RRN3: variants seen among roughly 807,000 people sequenced by gnomAD.
RRN3 encodes the protein RNA polymerase I-specific transcription initiation factor RRN3.
RRN3 carries 38 observed loss-of-function variants against 82.3 expected under a neutral mutation model. The observed-to-expected ratio is 0.46, with a 90% CI of 0.36 to 0.61. The LOEUF (loss-of-function observed/expected upper bound fraction) is 0.61. Ranked by LOEUF, RRN3 falls within the 20% of genes least tolerant of loss-of-function variation. The probability of loss-of-function intolerance (pLI) is 0.00; values close to 1 mark genes in which losing one functional copy is unlikely to be tolerated. For missense variants in RRN3, 726 were observed against 793.1 expected (o/e 0.92, Z 1.02); for synonymous variants, 284 against 284.3 (o/e 1.00, Z 0.01).
At chr16:15,075,857 C>T (rs1450505138) in intron 10 of RRN3, among the ~76,000 whole-genome samples, 3 of 152,132 alleles carry the variant, frequency 2.0e-5, no homozygotes, top group Admixed American at 6.5e-5. Context: ...TGAGTACTGG[C>T]GGCCAATAGC....
chr16:15,076,735 C>A, intron 9 of RRN3, 85 bp from the exon 10 acceptor site: 3 of 942,508 alleles, frequency 3.2e-6, no homozygotes, highest in South Asian at 1.4e-5. Context: ...ATCTGATATA[C>A]GCATGTTCAA....
In RRN3 at chr16:15,091,209, C is replaced by T. The variant is rs1427767670; in HGVS notation, c.252+106G>A. Reference sequence around the variant, plus strand: ...ACCACCAGATTAAAATAAGGGAGGACCATGGAGAGAGCAAGTTCTGGAGGA... The same window carrying T: ...ACCACCAGATTAAAATAAGGGAGGATCATGGAGAGAGCAAGTTCTGGAGGA... On this transcript the variant is annotated intron_variant, in intron 3 of 17. Transcript: ENST00000198767. 2.1e-5 allele frequency: 29 copies of T among 1,396,734 alleles called. 1 individual carries two copies. The highest frequency in any genetic ancestry group is 4.2e-5 in the Admixed American group (2 of 48,080). 86.5% of individuals were successfully genotyped at this position (1,396,734 alleles called of 1,614,324 possible). A position where few individuals can be genotyped will look rare whatever the true frequency, so the allele number is the denominator to read the frequency against.
At chr16:15,069,519 T>C (rs1696364141) in intron 14 of RRN3, among the ~76,000 whole-genome samples, 2 of 152,228 alleles carry the variant, frequency 1.3e-5, no homozygotes, top group African/African-American at 4.8e-5. Flanking sequence ...TCTTAGAAAT[T>C]AGCAAAACAA....
intron 3 of RRN3, among the ~76,000 whole-genome samples, chr16:15,088,816 G>A (rs1217115391): frequency 6.6e-6 from 1 of 152,124 alleles, no homozygotes; most frequent in Non-Finnish European, 1.5e-5. Context: ...AATAGACCAT[G>A]GGGGGCCTTG....
intron 3 of RRN3, among the ~76,000 whole-genome samples, chr16:15,089,670 G>A (rs1212395231): frequency 6.6e-6 from 1 of 151,380 alleles, no homozygotes; most frequent in Non-Finnish European, 1.5e-5. Context: ...GGTGGTGGCG[G>A]GCGAGTGTAG....
chr16:15,060,350 A>C lies in RRN3; in HGVS notation c.*1394T>G, dbSNP rs566919661. ...GAAAACCACCCATATCCAAAACTTT[A>C]AAGCAATAAAAATTTCTATTTTCCA... On this transcript the variant is annotated 3_prime_UTR_variant, in exon 18 of 18. Transcript: ENST00000198767. 5.0e-6 allele frequency: 1 copy of C among 201,820 alleles called. No homozygotes were observed. The highest frequency in any genetic ancestry group is 1.0e-5 in the Non-Finnish European group (1 of 96,970). The allele number at this position is 201,820 out of a possible 1,614,324, so 12.5% of individuals were successfully genotyped here.
chr16:15,093,448 A>G lies in RRN3; in HGVS notation c.89+697T>C, dbSNP rs532280064. ...ATCGTGTTCGTTTATTTATTGGCCT[A>G]TGTACTGCCTTTCCCCCCTATGCTG... is the stretch of plus-strand genomic sequence containing the variant. On this transcript the variant is annotated intron_variant, in intron 1 of 17. Coordinates refer to ENST00000198767, the MANE Select transcript of RRN3 (RefSeq NM_018427.5). 1.6e-4 allele frequency among the ~76,000 whole-genome samples: 24 copies of G among 152,204 alleles called. No individual in the cohort carries two copies. The East Asian group carries it at 4.1e-3, about 26-fold the overall frequency.
Position 15,089,746 on chromosome 16 carries a change from G to C in RRN3, c.252+1569C>G, listed in dbSNP as rs2046049453. On this transcript the variant is annotated intron_variant, in intron 3 of 17. Transcript: ENST00000198767. ...ACCCGGGAGGCGGAGCTTGCAGTGA[G>C]CCAAGATTGCGCCACTGCACTCCAG... is the stretch of plus-strand genomic sequence containing the variant. Among the ~76,000 whole-genome samples, 3 of 124,180 alleles carry C rather than the reference G, an allele frequency of 2.4e-5. No individual in the cohort carries two copies. In the South Asian group the frequency reaches 8.0e-4, roughly 33 times the overall value. 81.5% of individuals were successfully genotyped at this position (124,180 alleles called of 152,430 possible).
chr16:15,070,690 C>T (rs886219178), intron 13 of RRN3, among the ~76,000 whole-genome samples: 1 of 152,094 alleles, frequency 6.6e-6, no homozygotes. Flanking sequence ...GTTTCAACAG[C>T]ATCCTTGTCC....
chr16:15,092,679 T>C, intron 1 of RRN3, 65 bp from the exon 2 acceptor site: 1 of 1,066,560 alleles, frequency 9.4e-7, no homozygotes, highest in South Asian at 1.3e-5. Flanking sequence ...ATAGCCAACA[T>C]TTATTGAACC....
intron 9 of RRN3, among the ~76,000 whole-genome samples, chr16:15,079,094 G>GCCACCACGCCCGGCCTCCTCTT (rs1426633942): frequency 3.3e-5 from 5 of 152,118 alleles, no homozygotes; most frequent in Non-Finnish European, 7.4e-5. Context: ...ACATGCGTGA[G>GCCACCACGCCCGGCCTCCTCTT]CCACCACGCC....
intron 10 of RRN3, among the ~76,000 whole-genome samples, chr16:15,075,084 T>C (rs2045394815): frequency 6.6e-6 from 1 of 150,982 alleles, no homozygotes; most frequent in Admixed American, 6.6e-5. Context: ...ACTCTGTCTC[T>C]ACTAAAAATA....
chr16:15,068,089 T>G, intron 15 of RRN3, 80 bp downstream of exon 15: 3 of 1,496,900 alleles, frequency 2.0e-6, no homozygotes, highest in Non-Finnish European at 2.7e-6. Context: ...TTCATAGAAA[T>G]TTAACACTCT....
In RRN3 at chr16:15,070,275, A is replaced by G; in HGVS notation, c.1260-21T>C. On this transcript the variant is annotated intron_variant, in intron 13 of 17. Transcript: ENST00000198767. The stretch of plus-strand genomic sequence containing the variant: ...CAGTACTAGAGAAAAGAAAAATTCA[A>G]GTCAACTTTACACATCATAAAAAAA... The G allele has an allele frequency of 1.9e-6, 3 of 1,611,450 alleles. No individual in the cohort carries two copies. The South Asian group carries it at 3.3e-5, about 18-fold the overall frequency.
At chr16:15,074,980 C>T (rs1174677609) in intron 10 of RRN3, 119 bp from the exon 11 acceptor site, 16 of 1,031,720 alleles carry the variant, frequency 1.6e-5, no homozygotes, top group South Asian at 1.4e-4. Flanking sequence ...CTGGGGAAAG[C>T]GGCTCACATC....
intron 15 of RRN3, 47 bp downstream of exon 15, chr16:15,068,122 T>A (rs2045057070): frequency 3.4e-6 from 5 of 1,491,094 alleles, no homozygotes; most frequent in Non-Finnish European, 4.5e-6. Flanking sequence ...TAAACATAAA[T>A]AAAAATATTT....
intron 9 of RRN3, 93 bp from the exon 10 acceptor site, chr16:15,076,743 C>G (rs2045473030): frequency 1.2e-6 from 1 of 859,670 alleles, no homozygotes; most frequent in African/African-American, 1.7e-5. Context: ...TACGCATGTT[C>G]AAGGTGTCCA....
intron 11 of RRN3, among the ~76,000 whole-genome samples, chr16:15,073,683 A>G (rs61322497): frequency 0.018 from 2,730 of 152,336 alleles, 39 homozygotes; most frequent in Middle Eastern, 0.037. Context: ...CTGTTAGTAA[A>G]CAGCTGAATA....
chr16:15,085,721 T>A (rs1377907190), intron 5 of RRN3, 23 bp from the exon 6 acceptor site: 3 of 1,612,472 alleles, frequency 1.9e-6, no homozygotes, highest in Admixed American at 3.3e-5. Context: ...AAAGAAAATA[T>A]GTTATTCTGT....
Sources: gnomAD v4.1 joint callset for allele counts (sites outside exome capture counted in the v4.1 genomes callset) on GRCh38, gnomAD v4.1.1 for gene constraint, MANE v1.5 for transcripts, NCBI Gene and HGNC (gene_info 2026-07-23, HGNC 2026-07-21) for gene names.